SERGEF: variants seen among roughly 807,000 people sequenced by gnomAD.
The protein encoded by SERGEF is secretion-regulating guanine nucleotide exchange factor.
Under a neutral mutation model 50.0 loss-of-function variants are expected in SERGEF, and 51 were observed. The observed-to-expected ratio is 1.02, with a 90% CI of 0.81 to 1.29. SERGEF has a LOEUF of 1.29. Ranked by LOEUF, SERGEF falls within the 50% of genes most tolerant of loss-of-function variation. The probability of loss-of-function intolerance (pLI) is 0.00; values close to 1 mark genes in which losing one functional copy is unlikely to be tolerated. For missense variants in SERGEF, 521 were observed against 557.0 expected, an observed-to-expected ratio of 0.94 and a Z score of 0.65; for synonymous variants, 205 against 212.4, an observed-to-expected ratio of 0.97 and a Z score of 0.30.
intron 9 of SERGEF, among the ~76,000 whole-genome samples, chr11:17,886,797 T>C (rs57293137): frequency 0.058 from 8,786 of 152,196 alleles, 861 homozygotes; most frequent in African/African-American, 0.2. Flanking sequence ...TCAGACTGCT[T>C]GCTTTTCCCA....
chr11:17,825,273 C>T (rs1471962650), intron 10 of SERGEF, among the ~76,000 whole-genome samples: 1 of 152,064 alleles, frequency 6.6e-6, no homozygotes, highest in Non-Finnish European at 1.5e-5. Flanking sequence ...AAAGGGTATT[C>T]CTATAATACA....
chr11:17,983,019 T>A (rs114887394), intron 8 of SERGEF, among the ~76,000 whole-genome samples: 1 of 152,212 alleles, frequency 6.6e-6, no homozygotes, highest in Admixed American at 6.5e-5. Context: ...CCATCATTGA[T>A]TCTCTAAAAC....
chr11:17,875,603 C>T (rs1347014855), intron 10 of SERGEF, among the ~76,000 whole-genome samples: 1 of 152,182 alleles, frequency 6.6e-6, no homozygotes, highest in African/African-American at 2.4e-5. Context: ...CCTGTTTAAC[C>T]CATTTAACTT....
intron 10 of SERGEF, among the ~76,000 whole-genome samples, chr11:17,867,695 G>A (rs1471224439): frequency 6.6e-6 from 1 of 152,188 alleles, no homozygotes; most frequent in African/African-American, 2.4e-5. Flanking sequence ...CTCCATGAAG[G>A]CCCCACCACT....
chr11:17,941,527 T>C (rs1382038812), intron 9 of SERGEF, among the ~76,000 whole-genome samples: 1 of 152,240 alleles, frequency 6.6e-6, no homozygotes, highest in East Asian at 1.9e-4. Context: ...GTTTATCGTC[T>C]ATCCTTTGAT....
At chr11:17,862,226 T>G (rs756557501) in intron 10 of SERGEF, among the ~76,000 whole-genome samples, 41 of 152,220 alleles carry the variant, frequency 2.7e-4, no homozygotes, top group Non-Finnish European at 5.3e-4. Context: ...AAGACCCACT[T>G]CAAGGATCAT....
At chr11:17,906,157 A>G (rs2133924812) in intron 9 of SERGEF, among the ~76,000 whole-genome samples, 1 of 152,266 alleles carries the variant, frequency 6.6e-6, no homozygotes, top group East Asian at 1.9e-4. Flanking sequence ...GGTGGATGCT[A>G]CATAGTTGGA....
At position 17,859,646 on chromosome 11, in the gene SERGEF, C is replaced by T. The variant is rs142106015; in HGVS notation, c.1048+18562G>A. ...ATCAAGGCATGTCATCATAAAATTT[C>T]AAAACACTGAAGTAAAGAGAAGTTC... On this transcript the variant is annotated intron_variant, in intron 10 of 10. Coordinates refer to ENST00000265965, the MANE Select transcript of SERGEF (RefSeq NM_012139.4). Among the ~76,000 whole-genome samples, 286 of 151,676 alleles carry T rather than the reference C, an allele frequency of 1.9e-3. 3 individuals are homozygous for T. The highest frequency in any genetic ancestry group is 5.2e-3 in the African/African-American group (217 of 41,342).
chr11:17,967,173 T>G (rs1183008714), intron 8 of SERGEF, among the ~76,000 whole-genome samples: 2 of 152,178 alleles, frequency 1.3e-5, no homozygotes, highest in Non-Finnish European at 2.9e-5. Context: ...AGAGAGAGGT[T>G]ATGTCTCTGG....
At chr11:17,853,526 GTGC>G (rs1160202499) in intron 10 of SERGEF, 4 of 152,162 alleles carry the variant, frequency 2.6e-5, no homozygotes, top group Admixed American at 6.5e-5. Flanking sequence ...ATCATACGTG[GTGC>G]TATGTGCTTT....
chr11:17,962,421 G>A (rs1490782282), intron 8 of SERGEF, among the ~76,000 whole-genome samples: 2 of 152,222 alleles, frequency 1.3e-5, no homozygotes, highest in Admixed American at 6.5e-5. Context: ...GCTGATGCGT[G>A]CTGTCAAATC....
At chr11:17,969,407 T>TA (rs1279496262) in intron 8 of SERGEF, among the ~76,000 whole-genome samples, 1 of 152,142 alleles carries the variant, frequency 6.6e-6, no homozygotes, top group Non-Finnish European at 1.5e-5. Context: ...GCTGCATAAT[T>TA]AAAAAATAAT....
Position 17,858,169 on chromosome 11 carries a change from T to C in SERGEF, c.1048+20039A>G, listed in dbSNP as rs74882698. 1.4e-3 allele frequency among the ~76,000 whole-genome samples: 215 copies of C among 152,266 alleles called. 10 individuals are homozygous for C. The East Asian group carries it at 0.04, about 28-fold the overall frequency. On this transcript the variant is annotated intron_variant, in intron 10 of 10. Coordinates refer to ENST00000265965, the MANE Select transcript of SERGEF (RefSeq NM_012139.4). The stretch of plus-strand genomic sequence containing the variant: ...ATCAGAGGCGTTGCCTGAAAGTATA[T>C]TTATGGGGGGTAGTTAGATGCCCAG...
chr11:17,919,340 G>A (rs974092729), intron 9 of SERGEF, among the ~76,000 whole-genome samples: 1 of 152,142 alleles, frequency 6.6e-6, no homozygotes, highest in African/African-American at 2.4e-5. Context: ...GGAGAGACCG[G>A]AAGCCTCAGA....
intron 10 of SERGEF, among the ~76,000 whole-genome samples, chr11:17,797,741 G>T (rs1849595311): frequency 6.6e-6 from 1 of 152,242 alleles, no homozygotes; most frequent in Non-Finnish European, 1.5e-5. Context: ...ACAAATGAAT[G>T]AATGGCAGTG....
intron 10 of SERGEF, among the ~76,000 whole-genome samples, chr11:17,850,862 C>G (rs1850697812): frequency 2.6e-5 from 4 of 152,058 alleles, no homozygotes. Flanking sequence ...ACCAGGGGGG[C>G]AATTGTAAAT....
At chr11:17,908,829 A>G (rs1851899369) in intron 9 of SERGEF, among the ~76,000 whole-genome samples, 1 of 152,222 alleles carries the variant, frequency 6.6e-6, no homozygotes, top group African/African-American at 2.4e-5. Flanking sequence ...GACAGTAGAA[A>G]AAATAAAAGC....
chr11:17,830,649 G>GAGAGAGAGAGA lies in SERGEF; in HGVS notation c.1049-42237_1049-42236insTCTCTCTCTCT, dbSNP rs1554999450. ...GAGGGAAAGGGGGAGGGAGAGGGAG[G>GAGAGAGAGAGA]GAGAGAGAGAGAGAGAGAGAGAGAG... On this transcript the variant is annotated intron_variant, in intron 10 of 10. Coordinates refer to ENST00000265965, the MANE Select transcript of SERGEF (RefSeq NM_012139.4). Among the ~76,000 whole-genome samples the GAGAGAGAGAGA allele has an allele frequency of 6.4e-3, 499 of 77,744 alleles. 73 individuals are homozygous for GAGAGAGAGAGA. The highest frequency in any genetic ancestry group is 0.023 in the African/African-American group (404 of 17,334). 51.0% of individuals were successfully genotyped at this position (77,744 alleles called of 152,430 possible). A position where few individuals can be genotyped will look rare whatever the true frequency, so the allele number is the denominator to read the frequency against.
chr11:17,998,516 A>C (rs914687954), intron 5 of SERGEF, among the ~76,000 whole-genome samples: 3 of 44,586 alleles, frequency 6.7e-5, no homozygotes, highest in Admixed American at 6.7e-4. Flanking sequence ...TGTTATATAT[A>C]TATATGTTTA....
Sources: gnomAD v4.1 joint callset for allele counts (sites outside exome capture counted in the v4.1 genomes callset) on GRCh38, gnomAD v4.1.1 for gene constraint, MANE v1.5 for transcripts, NCBI Gene and HGNC (gene_info 2026-07-23, HGNC 2026-07-21) for gene names.